NEXMIF: variants seen among roughly 807,000 people sequenced by gnomAD.
The protein encoded by NEXMIF is XLMR protein related to neurite extension.
In NEXMIF, 8 loss-of-function variants were observed where a neutral mutation model predicts 62.1. The ratio of observed to expected loss-of-function variants is 0.13; its 90% CI spans 0.08 to 0.23. NEXMIF has a LOEUF of 0.23. Ranked by LOEUF, NEXMIF falls within the 10% of genes least tolerant of loss-of-function variation. The pLI is 1.00. For missense variants in NEXMIF, 976 were observed against 1,113.3 expected (o/e 0.88, Z 1.75); for synonymous variants, 404 against 416.6 (o/e 0.97, Z 0.37).
At chrX:74,879,477 C>T (rs1339116600) in intron 1 of NEXMIF, among the ~76,000 whole-genome samples, 1 of 111,600 alleles carries the variant, frequency 9.0e-6, no homozygotes, top group African/African-American at 3.3e-5. Flanking sequence ...GAGAATAAAG[C>T]AAAGAGAAAA....
chrX:74,924,583 G>T (rs1022866622), intron 1 of NEXMIF, among the ~76,000 whole-genome samples: 5 of 113,419 alleles, frequency 4.4e-5, no homozygotes, highest in Admixed American at 3.7e-4. Flanking sequence ...GTGTAAGCGC[G>T]GCGGCTCCGG....
intron 1 of NEXMIF, among the ~76,000 whole-genome samples, chrX:74,773,547 C>T (rs139179767): frequency 0.014 from 1,510 of 111,097 alleles, 16 homozygotes; most frequent in Middle Eastern, 0.028. Flanking sequence ...GGTAGGGCAA[C>T]CTTCAACTCA....
At chrX:74,838,816 T>C (rs1281639970) in intron 1 of NEXMIF, among the ~76,000 whole-genome samples, 1 of 112,090 alleles carries the variant, frequency 8.9e-6, no homozygotes, top group African/African-American at 3.2e-5. Context: ...TCCTTGTACA[T>C]CATTATGGTA....
At chrX:74,744,914 TC>T (rs1476824754) in intron 2 of NEXMIF, among the ~76,000 whole-genome samples, 3 of 77,471 alleles carry the variant, frequency 3.9e-5, no homozygotes, top group African/African-American at 9.1e-5. Context: ...TCTCTCTCTC[TC>T]TCTCTTCTCT....
At chrX:74,868,623 T>C (rs2080588694) in intron 1 of NEXMIF, among the ~76,000 whole-genome samples, 1 of 42,309 alleles carries the variant, frequency 2.4e-5, no homozygotes, top group Admixed American at 3.4e-4. Flanking sequence ...CTGGGGCCTG[T>C]TGGGGGGTGG....
At chrX:74,795,590 C>A (rs1453024533) in intron 1 of NEXMIF, among the ~76,000 whole-genome samples, 2 of 111,549 alleles carry the variant, frequency 1.8e-5, no homozygotes, top group Non-Finnish European at 3.8e-5. Flanking sequence ...AGTGATGGAA[C>A]TCTTCTGTAT....
intron 1 of NEXMIF, among the ~76,000 whole-genome samples, chrX:74,836,010 C>A (rs1569352389): frequency 8.9e-6 from 1 of 112,797 alleles, no homozygotes; most frequent in South Asian, 3.6e-4. Context: ...CTTTCCCACT[C>A]TTTCTTCTTC....
intron 1 of NEXMIF, among the ~76,000 whole-genome samples, chrX:74,899,192 T>A (rs2080741473): frequency 8.9e-6 from 1 of 111,817 alleles, no homozygotes; most frequent in Non-Finnish European, 1.9e-5. Flanking sequence ...CTCTCACTAC[T>A]TCTTTTCAAC....
intron 1 of NEXMIF, among the ~76,000 whole-genome samples, chrX:74,787,640 C>A (rs963960357): frequency 4.5e-5 from 5 of 111,752 alleles, no homozygotes; most frequent in African/African-American, 1.6e-4. Context: ...CTCTGACAGG[C>A]AGGGGAGCCC....
intron 1 of NEXMIF, among the ~76,000 whole-genome samples, chrX:74,846,032 T>C (rs2080490875): frequency 8.9e-6 from 1 of 112,323 alleles, no homozygotes; most frequent in Non-Finnish European, 1.9e-5. Context: ...AATTTTCAAA[T>C]AGAAACTATT....
At chrX:74,841,454 G>A (rs2080601860) in intron 1 of NEXMIF, among the ~76,000 whole-genome samples, 2 of 111,598 alleles carry the variant, frequency 1.8e-5, no homozygotes, top group African/African-American at 6.5e-5. Context: ...CTCTTTCTAT[G>A]TGGATGCCTT....
At chrX:74,763,767 T>C (rs963428011) in intron 1 of NEXMIF, among the ~76,000 whole-genome samples, 3 of 111,706 alleles carry the variant, frequency 2.7e-5, no homozygotes, top group Non-Finnish European at 3.8e-5. Flanking sequence ...TGGCTCTCTG[T>C]TTGTCTGTTT....
intron 1 of NEXMIF, among the ~76,000 whole-genome samples, chrX:74,795,156 T>C (rs1291076620): frequency 1.6e-4 from 18 of 112,198 alleles, no homozygotes; most frequent in African/African-American, 5.5e-4. Flanking sequence ...AGACCTACCA[T>C]ATGATACAGC....
rs955297844 is a variant in NEXMIF, at chrX:74,878,355, T to G, written c.-48+46528A>C. Among the ~76,000 whole-genome samples the G allele has an allele frequency of 2.7e-5, 3 of 112,133 alleles. No homozygotes were observed. The Admixed American group carries it at 2.8e-4, about 11-fold the overall frequency. On this transcript the variant is annotated intron_variant, in intron 1 of 3. Transcript: ENST00000055682. ...GAGGCAGTCTGCCCGTTCTCAGATC[T>G]CCAGCTGCGTGCTGGGAGAACCACT...
Position 74,741,465 on chromosome X carries a change from C to T in NEXMIF, c.3092G>A (p.Ser1031Asn), listed in dbSNP as rs2147439711. Residue 1031 changes from serine (S) to asparagine (N), a missense_variant, in exon 3 of 4, where the codon AGC (serine) becomes AAC (asparagine). By Grantham distance (46) the Ser-to-Asn change is conservative (BLOSUM62 1). Around this residue, in one of 5 missense-constraint regions of NEXMIF, gnomAD observed 639 missense variants for 694.5 expected, o/e 0.92. Coordinates refer to ENST00000055682, the MANE Select transcript of NEXMIF (RefSeq NM_001008537.3). ...DITDDFLAHC[S>N]PKLVIQQSID... ...GCTTTGCTGGATCACCAGCTTAGGG[C>T]TGCAATGGGCCAGGAAGTCATCAGT... is the stretch of plus-strand genomic sequence containing the variant. 1.7e-6 allele frequency: 2 copies of T among 1,211,587 alleles called. No homozygotes were observed. Among genetic ancestry groups the T allele is most frequent in the Non-Finnish European group, 2.2e-6 (2 of 895,455 alleles).
intron 1 of NEXMIF, among the ~76,000 whole-genome samples, chrX:74,911,673 T>G (rs1276870030): frequency 2.7e-5 from 3 of 112,549 alleles, no homozygotes; most frequent in African/African-American, 9.7e-5. Flanking sequence ...TGAGTGTGTA[T>G]TTTTGTTTCA....
In NEXMIF at chrX:74,806,131, G is replaced by C. The variant is rs774349213; in HGVS notation, c.-47-60434C>G. ...GGTTTGTTATTTTATTCTCTTAACA[G>C]TGTTTTTCTCAGAGCAGAAGTTTTA... On this transcript the variant is annotated intron_variant, in intron 1 of 3. Transcript: ENST00000055682. 6.3e-5 allele frequency among the ~76,000 whole-genome samples: 7 copies of C among 111,707 alleles called. No homozygotes were observed. The South Asian group carries it at 2.6e-3, about 42-fold the overall frequency.
chrX:74,897,786 T>C (rs2080737152), intron 1 of NEXMIF, among the ~76,000 whole-genome samples: 1 of 110,654 alleles, frequency 9.0e-6, no homozygotes, highest in Admixed American at 9.6e-5. Flanking sequence ...AAAATCAATC[T>C]CAAAAGAAAA....
At chrX:74,755,675 C>T (rs2147447255) in intron 1 of NEXMIF, among the ~76,000 whole-genome samples, 1 of 111,952 alleles carries the variant, frequency 8.9e-6, no homozygotes, top group South Asian at 3.7e-4. Flanking sequence ...CTAGGCAATC[C>T]ATGCCAAGTG....
Sources: gnomAD v4.1 joint callset for allele counts (sites outside exome capture counted in the v4.1 genomes callset) on GRCh38, gnomAD v4.1.1 for gene constraint, gnomAD v4.1.1 regional missense constraint, MANE v1.5 for transcripts, NCBI Gene and HGNC (gene_info 2026-07-23, HGNC 2026-07-21) for gene names.